The following OPN4 variants were observed in gnomAD, a reference collection of about 807,000 sequenced individuals.
The protein encoded by OPN4 is melanopsin.
OPN4 carries 43 observed loss-of-function variants against 49.5 expected under a neutral mutation model. The observed-to-expected ratio is 0.87, with a 90% CI of 0.68 to 1.12. The LOEUF (loss-of-function observed/expected upper bound fraction) is 1.12, where lower values mean the gene tolerates loss of function less well. Ranked by LOEUF, OPN4 falls within the 50% of genes most tolerant of loss-of-function variation. The probability of loss-of-function intolerance (pLI) is 0.00; values close to 1 mark genes in which losing one functional copy is unlikely to be tolerated. For missense variants in OPN4, 657 were observed against 643.9 expected (o/e 1.02, Z -0.22); for synonymous variants, 263 against 258.0 (o/e 1.02, Z -0.19).
chr10:86,665,201 T>C (rs1304876139), intron 9 of OPN4, among the ~76,000 whole-genome samples: 1 of 151,246 alleles, frequency 6.6e-6, no homozygotes, highest in Non-Finnish European at 1.5e-5. Context: ...GTGGGGGACA[T>C]AGGAGAAGGG....
In OPN4 at chr10:86,659,379, G is replaced by C. The variant is rs769421694; in HGVS notation, c.711G>C (p.Met237Ile). The change falls in exon 5 of 10, where the codon ATG (methionine) becomes ATC (isoleucine). Residue 237 changes from methionine to isoleucine, a missense_variant. Coordinates refer to ENST00000241891, the MANE Select transcript of OPN4 (RefSeq NM_033282.4). ...CGCCGGCCGTGCGTGCCTACACCAT[G>C]CTTCTCTGCTGCTTCGTGTTCTTCC... ...SFTPAVRAYT[M>I]LLCCFVFFLP... The C allele has an allele frequency of 6.2e-7, 1 of 1,614,058 alleles. No individual in the cohort carries two copies. Among genetic ancestry groups the C allele is most frequent in the South Asian group, 1.1e-5 (1 of 91,088 alleles).
intron 7 of OPN4, among the ~76,000 whole-genome samples, chr10:86,661,612 G>A (rs1125774): frequency 0.042 from 6,393 of 152,096 alleles, 157 homozygotes; most frequent in Middle Eastern, 0.071. Context: ...GGTTCCCTGG[G>A]CAGTGTCCAG....
Position 86,661,373 on chromosome 10 carries a change from C to A in OPN4, c.1058C>A (p.Thr353Asn). 2 of 1,613,754 alleles carry A rather than the reference C, an allele frequency of 1.2e-6. No individual in the cohort carries two copies. The highest frequency in any genetic ancestry group is 1.7e-6 in the Non-Finnish European group (2 of 1,179,686). Reference sequence around the variant, plus strand: ...CACAACCCCATCATTTACGCCATCACCCACCCCAAGTACAGGTGTGGCTCT... The same window carrying A: ...CACAACCCCATCATTTACGCCATCAACCACCCCAAGTACAGGTGTGGCTCT... ...AIHNPIIYAI[T>N]HPKYRVAIAQ... The change falls in exon 7 of 10, where the codon ACC (threonine) becomes AAC (asparagine). Residue 353 changes from threonine to asparagine, a missense_variant. Physicochemically the swap from Thr to Asn is moderately conservative, Grantham distance 65 (BLOSUM62 0). Transcript: ENST00000241891.
At position 86,661,382 on chromosome 10, in the gene OPN4, A is replaced by G; in HGVS notation, c.1067A>G (p.Lys356Arg). Residue 356 changes from lysine to arginine, a missense_variant, in exon 7 of 10, where the codon AAG becomes AGG. Coordinates refer to ENST00000241891, the MANE Select transcript of OPN4 (RefSeq NM_033282.4). Reference protein sequence around the residue: ...NPIIYAITHPKYRVAIAQHLP... With the variant: ...NPIIYAITHPRYRVAIAQHLP... ...ATCATTTACGCCATCACCCACCCCAAGTACAGGTGTGGCTCTTTTCCAGAA... is the reference window on the plus strand; with the variant it reads ...ATCATTTACGCCATCACCCACCCCAGGTACAGGTGTGGCTCTTTTCCAGAA... 6.2e-7 allele frequency: 1 copy of G among 1,612,818 alleles called. No individual in the cohort carries two copies. The highest frequency in any genetic ancestry group is 8.5e-7 in the Non-Finnish European group (1 of 1,178,932).
chr10:86,657,974 C>A lies in OPN4; in HGVS notation c.291-58C>A, dbSNP rs142497564. On this transcript the variant is annotated intron_variant, in intron 2 of 9. Transcript: ENST00000241891. The stretch of plus-strand genomic sequence containing the variant: ...ATGCATACCTGAGGGGTGCGGGAAG[C>A]TCTCCATAGCTCTGGAGGTGTCAGG... 1.3e-5 allele frequency: 20 copies of A among 1,570,134 alleles called. No homozygotes were observed. In the East Asian group the frequency reaches 4.0e-4, roughly 32 times the overall value.
chr10:86,657,073 G>T, intron 2 of OPN4: 1 of 667,564 alleles, frequency 1.5e-6, no homozygotes. Context: ...GCTGAGACAG[G>T]CAGGTGGAGA....
Position 86,654,592 on chromosome 10 carries a change from A to C in OPN4, c.-192A>C. 3.0e-6 allele frequency: 2 copies of C among 663,942 alleles called. No individual in the cohort carries two copies. Among genetic ancestry groups the C allele is most frequent in the Non-Finnish European group, 5.0e-6 (2 of 401,438 alleles). 41.1% of individuals were successfully genotyped at this position (663,942 alleles called of 1,614,324 possible). A position where few individuals can be genotyped will look rare whatever the true frequency, so the allele number is the denominator to read the frequency against. On this transcript the variant is annotated 5_prime_UTR_variant, in exon 1 of 10. Coordinates refer to ENST00000241891, the MANE Select transcript of OPN4 (RefSeq NM_033282.4). ...CACTCACTCATTTGCGCTTCACCAG[A>C]CACAGAGCAACCGCCAGCCCCAAGA...
chr10:86,665,832 G>A lies in OPN4; in HGVS notation c.*81G>A. The A allele has an allele frequency of 8.7e-7, 1 of 1,145,734 alleles. No individual in the cohort carries two copies. The highest frequency in any genetic ancestry group is 1.3e-6 in the Non-Finnish European group (1 of 769,972). 71.0% of individuals were successfully genotyped at this position (1,145,734 alleles called of 1,614,324 possible). A position where few individuals can be genotyped will look rare whatever the true frequency, so the allele number is the denominator to read the frequency against. ...CTCATATACACAGACCCAGGATTAT[G>A]CTGTGAGCCTGCAGGCTTTGGAAGT... On this transcript the variant is annotated 3_prime_UTR_variant, in exon 10 of 10. Transcript: ENST00000241891.
chr10:86,659,246 G>A (rs1477809716), intron 4 of OPN4, 51 bp from the exon 5 acceptor site: 1 of 1,451,726 alleles, frequency 6.9e-7, no homozygotes, highest in Non-Finnish European at 9.5e-7. Flanking sequence ...GCCAGATAAG[G>A]AGCCGTGGTC....
chr10:86,656,275 C>G lies in OPN4; in HGVS notation c.265C>G (p.Leu89Val), dbSNP rs1240591656. The G allele has an allele frequency of 1.9e-6, 3 of 1,611,312 alleles. No individual in the cohort carries two copies. The change falls in exon 2 of 10, where the codon CTG becomes GTG. Residue 89 changes from leucine (L) to valine (V), a missense_variant. Leu to Val is a conservative substitution (Grantham distance 32). Coordinates refer to ENST00000241891, the MANE Select transcript of OPN4 (RefSeq NM_033282.4). ...GGGACTCACGGGGATGCTGGGCAAC[C>G]TGACGGTCATCTATACCTTCTGCAG... ...LVGLTGMLGN[L>V]TVIYTFCRSR...
At chr10:86,659,005 G>A (rs1017167015) in intron 4 of OPN4, among the ~76,000 whole-genome samples, 2 of 152,220 alleles carry the variant, frequency 1.3e-5, no homozygotes, top group South Asian at 4.1e-4. Flanking sequence ...AAGGTGGAAC[G>A]GTGGAGAGCA....
At chr10:86,656,420 A>T in intron 2 of OPN4, 120 bp downstream of exon 2, 3 of 1,264,018 alleles carry the variant, frequency 2.4e-6, no homozygotes, top group Non-Finnish European at 3.3e-6. Context: ...AGGCTAGGCA[A>T]GGAGGGCAGG....
chr10:86,663,929 T>TC, intron 9 of OPN4, 127 bp downstream of exon 9: 1 of 1,081,462 alleles, frequency 9.2e-7, no homozygotes, highest in Non-Finnish European at 1.3e-6. Context: ...AATCACCTGC[T>TC]CCCAGCACCT....
chr10:86,659,307 G>T lies in OPN4; in HGVS notation c.639G>T (p.Val213=). Residue 213 remains valine (V), a synonymous_variant, in exon 5 of 10, where the codon GTG becomes GTT. Transcript: ENST00000241891. ...LPPFFGWSAY[V]PEGLLTSCSW... ...TGCCCTGGCTCCCAGGCGCCTACGT[G>T]CCCGAGGGGTTGCTGACATCCTGCT... is the stretch of plus-strand genomic sequence containing the variant. 6.2e-7 allele frequency: 1 copy of T among 1,612,268 alleles called. No homozygotes were observed.
intron 5 of OPN4, among the ~76,000 whole-genome samples, 184 bp from the exon 6 acceptor site, chr10:86,659,711 G>A (rs1397277278): frequency 6.6e-6 from 1 of 152,210 alleles, no homozygotes; most frequent in African/African-American, 2.4e-5. Context: ...GAGGGAGTAG[G>A]GGGCAGCTGA....
chr10:86,655,381 G>C (rs1473285140), intron 1 of OPN4, among the ~76,000 whole-genome samples: 2 of 152,198 alleles, frequency 1.3e-5, no homozygotes. Context: ...ACCTGGGGAA[G>C]GCCGAGGGCA....
intron 4 of OPN4, 129 bp from the exon 5 acceptor site, chr10:86,659,168 G>T (rs893713945): frequency 2.9e-6 from 2 of 685,586 alleles, no homozygotes; most frequent in Non-Finnish European, 4.9e-6. Context: ...CTTCCTCACT[G>T]CATGGGACAG....
chr10:86,658,763 G>A, intron 4 of OPN4, 76 bp downstream of exon 4: 11 of 1,522,894 alleles, frequency 7.2e-6, no homozygotes, highest in Non-Finnish European at 9.9e-6. Flanking sequence ...AGGTGGACTT[G>A]GGTCAGCCAG....
At chr10:86,657,503 T>C (rs1843899460) in intron 2 of OPN4, among the ~76,000 whole-genome samples, 1 of 151,604 alleles carries the variant, frequency 6.6e-6, no homozygotes, top group Non-Finnish European at 1.5e-5. Flanking sequence ...AGGCAGGACG[T>C]GACACTGGAG....
Sources: gnomAD v4.1 joint callset for allele counts (sites outside exome capture counted in the v4.1 genomes callset) on GRCh38, gnomAD v4.1.1 for gene constraint, MANE v1.5 for transcripts, NCBI Gene and HGNC (gene_info 2026-07-23, HGNC 2026-07-21) for gene names.